Variants in NOTCH3 observed in about 807,000 individuals in gnomAD.
NOTCH3 encodes the protein neurogenic locus notch homolog protein 3.
NOTCH3 carries 86 observed loss-of-function variants against 213.3 expected under a neutral mutation model. The observed-to-expected ratio is 0.40, with a 90% confidence interval of 0.34 to 0.48. The LOEUF is 0.48. Ranked by LOEUF, NOTCH3 falls within the 20% of genes least tolerant of loss-of-function variation. NOTCH3 has a pLI of 0.57. For missense variants in NOTCH3, 2,783 were observed against 3,272.6 expected, an observed-to-expected ratio of 0.85 and a Z score of 3.65; for synonymous variants, 1,354 against 1,355.9, an observed-to-expected ratio of 1.00 and a Z score of 0.03.
intron 1 of NOTCH3, 75 bp from the exon 2 acceptor site, chr19:15,197,653 C>A (rs960614230): frequency 1.5e-6 from 2 of 1,317,678 alleles, no homozygotes; most frequent in African/African-American, 1.4e-5. Flanking sequence ...AAACCCCCTC[C>A]CTCCCTCCAC....
At chr19:15,182,509 A>G (rs751735936) in intron 16 of NOTCH3, among the ~76,000 whole-genome samples, 2,133 of 149,864 alleles carry the variant, frequency 0.014, 26 homozygotes, top group Non-Finnish European at 0.024. Flanking sequence ...CTTGTCTCAA[A>G]AAAAAAAAAG....
chr19:15,167,906 G>T (rs78781992), intron 28 of NOTCH3, among the ~76,000 whole-genome samples: 436 of 14,896 alleles, frequency 0.029, 4 homozygotes, highest in African/African-American at 0.1. Context: ...TTTTTTTTTT[G>T]GTCTTTTTGA....
rs1439932907 is a variant in NOTCH3 at position 15,180,733 on chromosome 19, T to C, written c.3090A>G (p.Gly1030=). The stretch of plus-strand genomic sequence containing the variant: ...GCAAGCTTCGGATGTCACAGAGGCG[T>C]CCGCTCCATCCAGGGGGACAAAGGC... ...AYCLCPPGWS[G]RLCDIRSLPC... is the part of the protein sequence containing the mutation. The change falls in exon 19 of 33, where the codon GGA becomes GGG. Residue 1030 remains glycine, a synonymous_variant. Coordinates refer to ENST00000263388, the MANE Select transcript of NOTCH3 (RefSeq NM_000435.3). 1 of 1,576,634 alleles carries C rather than the reference T, an allele frequency of 6.3e-7. No homozygotes were observed.
In NOTCH3 at chr19:15,174,084, C is replaced by A; in HGVS notation, c.4720G>T (p.Ala1574Ser). The A allele has an allele frequency of 6.3e-7, 1 of 1,583,634 alleles. No homozygotes were observed. Residue 1574 changes from alanine to serine, a missense_variant, in exon 25 of 33, where the codon GCC becomes TCC. Around this residue, in one of 6 missense-constraint regions of NOTCH3, gnomAD observed 636 missense variants for 801.8 expected, o/e 0.79. Coordinates refer to ENST00000263388, the MANE Select transcript of NOTCH3 (RefSeq NM_000435.3). ...GSEPRARRELAPEVIGSVVML... is the reference protein window; with the variant it reads ...GSEPRARRELSPEVIGSVVML... ...GTCACTCACCCGATCACCTCGGGGG[C>A]CAGCTCCCGACGGGCCCGGGGTTCG...
intron 23 of NOTCH3, chr19:15,178,350 C>G (rs2046809989): frequency 1.9e-6 from 1 of 523,546 alleles, no homozygotes; most frequent in East Asian, 3.3e-5. Context: ...CATCCTCACC[C>G]TTTTCCCTTC....
At chr19:15,190,224 A>G (rs2046917018) in intron 6 of NOTCH3, among the ~76,000 whole-genome samples, 1 of 152,168 alleles carries the variant, frequency 6.6e-6, no homozygotes, top group African/African-American at 2.4e-5. Flanking sequence ...CAGTGAGCTG[A>G]GATCATGCCA....
Position 15,180,681 on chromosome 19 carries a change from C to G in NOTCH3, c.3142G>C (p.Gly1048Arg), listed in dbSNP as rs764352557. The G allele has an allele frequency of 1.3e-6, 2 of 1,551,794 alleles. No homozygotes were observed. The highest frequency in any genetic ancestry group is 1.2e-5 in the South Asian group (1 of 84,396). ...CGCCCGCCCACATGCTCCCACTCAC[C>G]GATCTGGGCTGCGGCCTCCCTGCAG... ...LPCREAAAQI[G>R]VRLEQLCQAG... The change falls in exon 19 of 33, where the codon GGG (glycine) becomes CGG (arginine). Residue 1048 changes from glycine (G) to arginine (R), a missense_variant and splice_region_variant. By Grantham distance (125) the Gly-to-Arg change is moderately radical. Coordinates refer to ENST00000263388, the MANE Select transcript of NOTCH3 (RefSeq NM_000435.3).
intron 24 of NOTCH3, among the ~76,000 whole-genome samples, chr19:15,175,575 G>GTATA (rs1422406505): frequency 3.8e-5 from 1 of 26,448 alleles, no homozygotes; most frequent in Admixed American, 2.9e-4. Context: ...ATATATATAT[G>GTATA]TATATATATG....
At position 15,178,008 on chromosome 19, in the gene NOTCH3, G is replaced by A. The variant is rs1392500489; in HGVS notation, c.3920C>T (p.Thr1307Met). The A allele has an allele frequency of 6.8e-7, 1 of 1,470,934 alleles. No individual in the cohort carries two copies. The highest frequency in any genetic ancestry group is 2.3e-5 in the Admixed American group (1 of 43,866). The allele number at this position is 1,470,934 out of a possible 1,614,324, so 91.1% of individuals were successfully genotyped here. A position where few individuals can be genotyped will look rare whatever the true frequency, so the allele number is the denominator to read the frequency against. ...QCPVGVPCQQTPRGPRCACPP... is the reference protein window; with the variant it reads ...QCPVGVPCQQMPRGPRCACPP... ...GCAGGCGCAGCGCGGCCCGCGGGGC[G>A]TCTGCTGGCATGGGACGCCCACCGG... The change falls in exon 24 of 33, where the codon ACG (threonine) becomes ATG (methionine). Residue 1307 changes from threonine (T) to methionine (M), a missense_variant. By Grantham distance (81) the Thr-to-Met change is moderately conservative. Around this residue, in one of 6 missense-constraint regions of NOTCH3, gnomAD observed 133 missense variants for 201.9 expected, o/e 0.66. Transcript: ENST00000263388.
intron 20 of NOTCH3, 29 bp from the exon 21 acceptor site, chr19:15,179,525 C>T (rs750070011): frequency 2.5e-6 from 4 of 1,612,534 alleles, no homozygotes; most frequent in Non-Finnish European, 3.4e-6. Context: ...GGGACCCACT[C>T]AGCTTAGTGG....
intron 2 of NOTCH3, 87 bp from the exon 3 acceptor site, chr19:15,192,606 A>T: frequency 6.6e-7 from 1 of 1,504,020 alleles, no homozygotes; most frequent in Non-Finnish European, 8.9e-7. Context: ...AGAAACACGC[A>T]GGGAAACAGA....
chr19:15,172,496 C>G (rs1484308997), intron 25 of NOTCH3, among the ~76,000 whole-genome samples: 2 of 151,848 alleles, frequency 1.3e-5, no homozygotes, highest in African/African-American at 4.8e-5. Flanking sequence ...CTTCATCCCT[C>G]TACCCCTCCC....
At chr19:15,184,541 G>T (rs2046865961) in intron 15 of NOTCH3, 91 bp from the exon 16 acceptor site, 3 of 1,300,754 alleles carry the variant, frequency 2.3e-6, no homozygotes, top group Non-Finnish European at 3.3e-6. Context: ...TGCAGGCCGA[G>T]ATGGGTGAAG....
Position 15,195,364 on chromosome 19 carries a change from C to G in NOTCH3, c.197+2136G>C, listed in dbSNP as rs1200916176. Among the ~76,000 whole-genome samples, 3 of 152,042 alleles carry G rather than the reference C, an allele frequency of 2.0e-5. No homozygotes were observed. In the East Asian group the frequency reaches 5.8e-4, roughly 29 times the overall value. On this transcript the variant is annotated intron_variant, in intron 2 of 32. Transcript: ENST00000263388. ...GAACTGGGAGGGGTTGGTCTTAAGA[C>G]TGGAAATCTCCAAGGGGCACTAGCG... is the stretch of plus-strand genomic sequence containing the variant.
At position 15,161,389 on chromosome 19, in the gene NOTCH3, C is replaced by T. The variant is rs759896413; in HGVS notation, c.6239G>A (p.Arg2080Gln). Reference sequence around the variant, plus strand: ...GCAGGCCAGCGTCAGCTTCTTGCCCCGCCCCCGGGGCCCCTGCGGCCCCAG... The same window carrying T: ...GCAGGCCAGCGTCAGCTTCTTGCCCTGCCCCCGGGGCCCCTGCGGCCCCAG... ...AGLGPQGPRG[R>Q]GKKLTLACPG... The change falls in exon 33 of 33, where the codon CGG becomes CAG. Residue 2080 changes from arginine to glutamine, a missense_variant. Physicochemically the swap from Arg to Gln is conservative, Grantham distance 43. Coordinates refer to ENST00000263388, the MANE Select transcript of NOTCH3 (RefSeq NM_000435.3). The T allele has an allele frequency of 6.8e-5, 103 of 1,524,334 alleles. No homozygotes were observed. The highest frequency in any genetic ancestry group is 2.0e-4 in the Middle Eastern group (1 of 5,092). The allele number at this position is 1,524,334 out of a possible 1,614,324, so 94.4% of individuals were successfully genotyped here.
rs572359986 is a variant in NOTCH3 at position 15,178,730 on chromosome 19, C to T, written c.3837+93G>A. ...AAACTCCCTTCCCTTCGATGTCTCC[C>T]CTAAAGCCACATCCTCCTCCTAGAC... On this transcript the variant is annotated intron_variant, in intron 23 of 32. Coordinates refer to ENST00000263388, the MANE Select transcript of NOTCH3 (RefSeq NM_000435.3). The T allele has an allele frequency of 4.3e-6, 4 of 922,554 alleles. No individual in the cohort carries two copies. In the Admixed American group the frequency reaches 8.0e-5, roughly 18 times the overall value. The allele number at this position is 922,554 out of a possible 1,614,324, so 57.1% of individuals were successfully genotyped here. A position where few individuals can be genotyped will look rare whatever the true frequency, so the allele number is the denominator to read the frequency against.
At position 15,162,777 on chromosome 19, in the gene NOTCH3, G is replaced by A. The variant is rs1447523805; in HGVS notation, c.5816-215C>T. ...TTTGTGTCTGTGTGTGTGTGTTTGT[G>A]TGTGTGTGTGTGTGTGCGTGCATGT... On this transcript the variant is annotated intron_variant, in intron 31 of 32. Coordinates refer to ENST00000263388, the MANE Select transcript of NOTCH3 (RefSeq NM_000435.3). 4.2e-4 allele frequency among the ~76,000 whole-genome samples: 64 copies of A among 152,150 alleles called. No individual in the cohort carries two copies. The East Asian group carries it at 0.012, about 28-fold the overall frequency.
Position 15,176,857 on chromosome 19 carries a change from G to A in NOTCH3, c.4403+668C>T, listed in dbSNP as rs567393511. The stretch of plus-strand genomic sequence containing the variant: ...GGAGGCCAAGGCGGGCGGATCACAA[G>A]GTCAGGAGTTCGTGAGCAGCCTGGC... On this transcript the variant is annotated intron_variant, in intron 24 of 32. Coordinates refer to ENST00000263388, the MANE Select transcript of NOTCH3 (RefSeq NM_000435.3). 1.5e-3 allele frequency among the ~76,000 whole-genome samples: 230 copies of A among 150,632 alleles called. 1 individual carries two copies. The highest frequency in any genetic ancestry group is 5.4e-3 in the African/African-American group (223 of 41,092).
Position 15,170,696 on chromosome 19 carries a change from G to A in NOTCH3, c.4866C>T (p.Phe1622=). 1 of 1,591,236 alleles carries A rather than the reference G, an allele frequency of 6.3e-7. No individual in the cohort carries two copies. The highest frequency in any genetic ancestry group is 8.5e-7 in the Non-Finnish European group (1 of 1,169,836). ...GALSAVERLD[F]PYPLRDVRGE... Reference sequence around the variant, plus strand: ...CCCGCACGTCCCGCAGTGGGTACGGGAAGTCCAGGCGCTCCACCGCTGACA... The same window carrying A: ...CCCGCACGTCCCGCAGTGGGTACGGAAAGTCCAGGCGCTCCACCGCTGACA... Residue 1622 remains phenylalanine, a synonymous_variant, in exon 26 of 33, where the codon TTC becomes TTT. Transcript: ENST00000263388.
Sources: gnomAD v4.1 joint callset for allele counts (sites outside exome capture counted in the v4.1 genomes callset) on GRCh38, gnomAD v4.1.1 for gene constraint, gnomAD v4.1.1 regional missense constraint, MANE v1.5 for transcripts, NCBI Gene and HGNC (gene_info 2026-07-23, HGNC 2026-07-21) for gene names.